Variants in TMEM233 observed in about 807,000 individuals in gnomAD.
TMEM233 encodes dispanin subfamily B member 2.
Under a neutral mutation model 11.2 loss-of-function variants are expected in TMEM233, and 6 were observed. The ratio of observed to expected loss-of-function variants is 0.54; its 90% CI spans 0.29 to 1.06. The LOEUF is 1.06. Among genes scored for constraint, TMEM233 ranks in the 50% least tolerant of loss-of-function variants. TMEM233 has a pLI of 0.08. For missense variants in TMEM233, 127 were observed against 144.7 expected, an observed-to-expected ratio of 0.88 and a Z score of 0.63; for synonymous variants, 59 against 55.8, an observed-to-expected ratio of 1.06 and a Z score of -0.26.
chr12:119,645,892 G>T (rs574844247), downstream of TMEM233, among the ~76,000 whole-genome samples: 25 of 152,246 alleles, frequency 1.6e-4, no homozygotes, highest in South Asian at 1.7e-3. Context: ...TGTACTAGTT[G>T]TACTAGTTGG....
chr12:119,627,883 A>G (rs1482962816), intron 1 of TMEM233, among the ~76,000 whole-genome samples: 1 of 151,954 alleles, frequency 6.6e-6, no homozygotes, highest in African/African-American at 2.4e-5. Flanking sequence ...AGAAGCTACC[A>G]CCCCTTTCCA....
downstream of TMEM233, among the ~76,000 whole-genome samples, chr12:119,645,320 C>A (rs199972202): frequency 6.7e-4 from 50 of 74,762 alleles, no homozygotes; most frequent in East Asian, 1.4e-3. Context: ...CACCAATTAC[C>A]AAAAAAAAAA....
chr12:119,638,969 C>G (rs1955025641), intron 2 of TMEM233, among the ~76,000 whole-genome samples: 1 of 152,028 alleles, frequency 6.6e-6, no homozygotes. Context: ...ATCTCCCATC[C>G]CACATCCTCA....
chr12:119,596,114 C>T (rs1954042209), intron 1 of TMEM233, among the ~76,000 whole-genome samples: 1 of 152,184 alleles, frequency 6.6e-6, no homozygotes. Flanking sequence ...CCCTTCCTTC[C>T]TCTCCCCATA....
intron 2 of TMEM233, among the ~76,000 whole-genome samples, chr12:119,634,027 C>T (rs1306109982): frequency 6.6e-6 from 1 of 152,222 alleles, no homozygotes; most frequent in Non-Finnish European, 1.5e-5. Flanking sequence ...TTTGCCAAAC[C>T]TTGGCAAATA....
Position 119,594,069 on chromosome 12 carries a change from A to G in TMEM233, c.186+35A>G, listed in dbSNP as rs748751790. 1 of 1,547,028 alleles carries G rather than the reference A, an allele frequency of 6.5e-7. No homozygotes were observed. The highest frequency in any genetic ancestry group is 1.2e-5 in the South Asian group (1 of 83,488). On this transcript the variant is annotated intron_variant, in intron 1 of 2. Transcript: ENST00000426426. This position sits in a 1 kb window ranked among gnomAD's most constrained non-coding sequence, Gnocchi z 5.6. Reference sequence around the variant, plus strand: ...TCACGGCCAGAGGCAGCCTGGGAGGAGAGACCCGGGCGGCTTTGAGCCCCT... The same window carrying G: ...TCACGGCCAGAGGCAGCCTGGGAGGGGAGACCCGGGCGGCTTTGAGCCCCT...
chr12:119,641,816 A>G lies in TMEM233; in HGVS notation c.*1111A>G, dbSNP rs188141039. The G allele has an allele frequency of 2.0e-5, 3 of 152,340 alleles. No individual in the cohort carries two copies. In the East Asian group the frequency reaches 5.8e-4, roughly 29 times the overall value. The allele number at this position is 152,340 out of a possible 1,614,324, so 9.4% of individuals were successfully genotyped here. A position where few individuals can be genotyped will look rare whatever the true frequency, so the allele number is the denominator to read the frequency against. On this transcript the variant is annotated 3_prime_UTR_variant, in exon 3 of 3. Coordinates refer to ENST00000426426, the MANE Select transcript of TMEM233 (RefSeq NM_001136534.3). ...TTTCTATTCTTTTTTCATCCTGATT[A>G]CAGCAAGGAAAAAGTCTCTGTTTAG...
intron 1 of TMEM233, among the ~76,000 whole-genome samples, chr12:119,608,736 G>A (rs1200274247): frequency 1.3e-5 from 2 of 152,212 alleles, no homozygotes; most frequent in East Asian, 3.8e-4. Context: ...CCCCAGAGAA[G>A]TTTCCACAGC....
intron 1 of TMEM233, among the ~76,000 whole-genome samples, chr12:119,616,642 A>G (rs1379569005): frequency 1.3e-5 from 2 of 152,328 alleles, no homozygotes; most frequent in South Asian, 2.1e-4. Context: ...GATTGTAGTC[A>G]TGGTTATTAA....
chr12:119,651,203 CT>C, the TMEM233 span, among the ~76,000 whole-genome samples: 1 of 152,196 alleles, frequency 6.6e-6, no homozygotes, highest in African/African-American at 2.4e-5. Flanking sequence ...TGGTTTGATT[CT>C]GCACATCACA....
intron 2 of TMEM233, among the ~76,000 whole-genome samples, chr12:119,632,980 A>G (rs1256777983): frequency 6.6e-6 from 1 of 152,134 alleles, no homozygotes; most frequent in Non-Finnish European, 1.5e-5. Flanking sequence ...CAGCCTTAAT[A>G]TAAGTGTTTT....
At chr12:119,630,699 A>G (rs1954861498) in intron 2 of TMEM233, among the ~76,000 whole-genome samples, 1 of 152,240 alleles carries the variant, frequency 6.6e-6, no homozygotes, top group Non-Finnish European at 1.5e-5. Context: ...TTTACTGCCT[A>G]GCGACAAATG....
intron 2 of TMEM233, among the ~76,000 whole-genome samples, chr12:119,633,426 A>AT (rs879871615): frequency 7.9e-4 from 120 of 151,604 alleles, no homozygotes; most frequent in Non-Finnish European, 1.2e-3. Context: ...AAAAAAAAAA[A>AT]ATTTTTTTTA....
intron 1 of TMEM233, among the ~76,000 whole-genome samples, chr12:119,624,897 C>T (rs77453780): frequency 8.5e-4 from 129 of 152,250 alleles, no homozygotes; most frequent in African/African-American, 3.0e-3. Flanking sequence ...ACCTGGTCCC[C>T]ACATCAGTTA....
intron 1 of TMEM233, among the ~76,000 whole-genome samples, chr12:119,612,424 G>A (rs945066684): frequency 6.6e-6 from 1 of 152,098 alleles, no homozygotes; most frequent in Non-Finnish European, 1.5e-5. Flanking sequence ...AGACCAGCCT[G>A]GGCAACACGG....
intron 2 of TMEM233, among the ~76,000 whole-genome samples, chr12:119,639,395 A>G (rs142121213): frequency 6.6e-6 from 1 of 151,964 alleles, no homozygotes; most frequent in East Asian, 1.9e-4. Context: ...AGGCGGGTGG[A>G]TCACAAGGTC....
chr12:119,620,549 G>T (rs556172610), intron 1 of TMEM233, among the ~76,000 whole-genome samples: 1 of 152,268 alleles, frequency 6.6e-6, no homozygotes, highest in African/African-American at 2.4e-5. Flanking sequence ...CCACTTAAAT[G>T]AACTACTAGG....
intron 1 of TMEM233, among the ~76,000 whole-genome samples, chr12:119,617,850 A>G (rs1352386442): frequency 6.6e-6 from 1 of 152,224 alleles, no homozygotes; most frequent in East Asian, 1.9e-4. Flanking sequence ...ACAAAAAGAA[A>G]GAAAGAAACC....
chr12:119,627,085 G>A (rs1593302638), intron 1 of TMEM233, among the ~76,000 whole-genome samples: 2 of 152,332 alleles, frequency 1.3e-5, no homozygotes, highest in African/African-American at 4.8e-5. Context: ...CTTCAGAGTA[G>A]CTGCTATTTA....
Sources: gnomAD v4.1 joint callset for allele counts (sites outside exome capture counted in the v4.1 genomes callset) on GRCh38, gnomAD v4.1.1 for gene constraint, Gnocchi (gnomAD v3.1) non-coding constraint, MANE v1.5 for transcripts, NCBI Gene and HGNC (gene_info 2026-07-23, HGNC 2026-07-21) for gene names.